The following GPR137C variants were observed in gnomAD, a reference collection of about 807,000 sequenced individuals.
GPR137C encodes the protein G protein-coupled receptor 137C, also known as integral membrane protein GPR137C.
Under a neutral mutation model 43.4 loss-of-function variants are expected in GPR137C, and 27 were observed. The ratio of observed to expected loss-of-function variants is 0.62; its 90% CI spans 0.46 to 0.86. The LOEUF (loss-of-function observed/expected upper bound fraction) is 0.86. Among genes scored for constraint, GPR137C ranks in the 40% least tolerant of loss-of-function variants. The probability of loss-of-function intolerance (pLI) is 0.00; values close to 1 mark genes in which losing one functional copy is unlikely to be tolerated. For missense variants in GPR137C, 522 were observed against 534.6 expected, an observed-to-expected ratio of 0.98 and a Z score of 0.23; for synonymous variants, 285 against 226.9, an observed-to-expected ratio of 1.26 and a Z score of -2.30.
chr14:52,553,188 C>G lies in GPR137C; in HGVS notation c.41C>G (p.Pro14Arg). The part of the protein sequence containing the change: ...SVPGPAAAAA[P>R]AAGREPSTPG... ...CCGGGTCCGGCGGCCGCTGCCGCCC[C>G]CGCAGCCGGCCGCGAGCCCTCCACG... The change falls in exon 1 of 7, where the codon CCC becomes CGC. Residue 14 changes from proline (P) to arginine (R), a missense_variant. Pro to Arg is a moderately radical substitution (Grantham distance 103, BLOSUM62 -2). Transcript: ENST00000321662. The G allele has an allele frequency of 8.3e-7, 1 of 1,203,982 alleles. No individual in the cohort carries two copies. Among genetic ancestry groups the G allele is most frequent in the Non-Finnish European group, 1.0e-6 (1 of 971,290 alleles). The allele number at this position is 1,203,982 out of a possible 1,614,324, so 74.6% of individuals were successfully genotyped here.
intron 1 of GPR137C, among the ~76,000 whole-genome samples, chr14:52,577,177 A>C (rs2038567679): frequency 1.8e-5 from 2 of 112,534 alleles, no homozygotes; most frequent in African/African-American, 3.5e-5. Context: ...ACAGAGTAAG[A>C]CTCCTCAAAA....
intron 3 of GPR137C, among the ~76,000 whole-genome samples, chr14:52,619,722 C>T (rs2039138453): frequency 6.6e-6 from 1 of 152,106 alleles, no homozygotes. Context: ...CCAGTAAAAG[C>T]CATCCACTCC....
rs536332256 is a variant in GPR137C, at chr14:52,588,300, A to G, written c.445-9972A>G. On this transcript the variant is annotated intron_variant, in intron 1 of 6. Coordinates refer to ENST00000321662, the MANE Select transcript of GPR137C (RefSeq NM_001099652.2). ...GCTGGGACTACAGGTGCATGCCACCACTCCTGGCTGCTTTTTTTTTATTTA... is the reference window on the plus strand; with the variant it reads ...GCTGGGACTACAGGTGCATGCCACCGCTCCTGGCTGCTTTTTTTTTATTTA... Among the ~76,000 whole-genome samples, 3 of 150,510 alleles carry G rather than the reference A, an allele frequency of 2.0e-5. No homozygotes were observed. The South Asian group carries it at 6.3e-4, about 32-fold the overall frequency.
At chr14:52,571,465 G>C (rs1164041267) in intron 1 of GPR137C, among the ~76,000 whole-genome samples, 1 of 152,096 alleles carries the variant, frequency 6.6e-6, no homozygotes, top group Non-Finnish European at 1.5e-5. Context: ...ATGAAGTCAG[G>C]AGTTTGAGAC....
intron 1 of GPR137C, among the ~76,000 whole-genome samples, chr14:52,561,174 T>C (rs1040697708): frequency 6.6e-6 from 1 of 152,246 alleles, no homozygotes; most frequent in African/African-American, 2.4e-5. Flanking sequence ...AGGACTAAAA[T>C]TTAAAAGACT....
chr14:52,578,803 G>A (rs959689142), intron 1 of GPR137C, among the ~76,000 whole-genome samples: 1 of 152,176 alleles, frequency 6.6e-6, no homozygotes, highest in Non-Finnish European at 1.5e-5. Context: ...AATTAGCCAG[G>A]CGTGGTGGCA....
rs563286580 is a variant in GPR137C, at chr14:52,627,513, T to G, written c.718-4647T>G. The stretch of plus-strand genomic sequence containing the variant: ...TGGTTTAAAAAGAAGACAAGTTGAT[T>G]CCAAAATTTGCACGACAATGCAGAT... On this transcript the variant is annotated intron_variant, in intron 3 of 6. Coordinates refer to ENST00000321662, the MANE Select transcript of GPR137C (RefSeq NM_001099652.2). 3.4e-4 allele frequency among the ~76,000 whole-genome samples: 52 copies of G among 152,214 alleles called. 2 individuals carry two copies. The highest frequency in any genetic ancestry group is 6.8e-3 in the Middle Eastern group (2 of 294).
chr14:52,584,886 C>T (rs753607213), intron 1 of GPR137C, among the ~76,000 whole-genome samples: 2 of 152,152 alleles, frequency 1.3e-5, no homozygotes, highest in Non-Finnish European at 2.9e-5. Context: ...CAGGCATGAG[C>T]CACTGGATCT....
At chr14:52,563,505 A>G (rs1420487631) in intron 1 of GPR137C, among the ~76,000 whole-genome samples, 1 of 152,086 alleles carries the variant, frequency 6.6e-6, no homozygotes, top group African/African-American at 2.4e-5. Context: ...TTCTTGAACC[A>G]GGCACAGTTC....
chr14:52,572,933 A>G (rs985418115), intron 1 of GPR137C, among the ~76,000 whole-genome samples: 2 of 152,228 alleles, frequency 1.3e-5, no homozygotes, highest in Non-Finnish European at 2.9e-5. Flanking sequence ...AAAAATCACA[A>G]GCATTCCTAT....
At position 52,634,980 on chromosome 14, in the gene GPR137C, T is replaced by G; in HGVS notation, c.1155T>G (p.Thr385=). 1 of 1,612,620 alleles carries G rather than the reference T, an allele frequency of 6.2e-7. No individual in the cohort carries two copies. Among genetic ancestry groups the G allele is most frequent in the Non-Finnish European group, 8.5e-7 (1 of 1,179,306 alleles). Residue 385 remains threonine, a synonymous_variant, in exon 7 of 7, where the codon ACT becomes ACG. Coordinates refer to ENST00000321662, the MANE Select transcript of GPR137C (RefSeq NM_001099652.2). ...GTTTGGGCTGGTATGGCACCATGAC[T>G]GGGTGTGGCAGCAGCAGTTACACAG... ...SQSLGWYGTM[T]GCGSSSYTVT... is the part of the protein sequence containing the mutation.
chr14:52,579,358 G>A (rs567205235), intron 1 of GPR137C, among the ~76,000 whole-genome samples: 1 of 152,250 alleles, frequency 6.6e-6, no homozygotes, highest in East Asian at 1.9e-4. Flanking sequence ...ATTTGCCCAG[G>A]GTATGGACTA....
intron 1 of GPR137C, among the ~76,000 whole-genome samples, chr14:52,555,979 G>T (rs1228446268): frequency 6.6e-6 from 1 of 152,154 alleles, no homozygotes; most frequent in Non-Finnish European, 1.5e-5. Flanking sequence ...ATAACTGCAA[G>T]TATACTTCCC....
chr14:52,575,869 T>A (rs553601134), intron 1 of GPR137C, among the ~76,000 whole-genome samples: 1 of 152,328 alleles, frequency 6.6e-6, no homozygotes, highest in Non-Finnish European at 1.5e-5. Flanking sequence ...AAGGTTTCTC[T>A]TAGTCCAGGA....
intron 1 of GPR137C, among the ~76,000 whole-genome samples, chr14:52,561,738 G>C (rs1198726577): frequency 6.6e-6 from 1 of 152,128 alleles, no homozygotes; most frequent in East Asian, 1.9e-4. Flanking sequence ...AGCTCACACT[G>C]TATCATTTCA....
rs148332975 is a variant in GPR137C, at chr14:52,561,334, G to A, written c.444+7743G>A. Among the ~76,000 whole-genome samples, 472 of 152,284 alleles carry A rather than the reference G, an allele frequency of 3.1e-3. 3 individuals are homozygous for A. The highest frequency in any genetic ancestry group is 0.011 in the African/African-American group (448 of 41,546). ...AATCTAGCTGTTACAGAAGCCAGGC[G>A]TGGTGGCACAGGCCTATGGTCCCAG... is the stretch of plus-strand genomic sequence containing the variant. On this transcript the variant is annotated intron_variant, in intron 1 of 6. Coordinates refer to ENST00000321662, the MANE Select transcript of GPR137C (RefSeq NM_001099652.2).
rs767147227 is a variant in GPR137C at position 52,633,914 on chromosome 14, C to A, written c.1080C>A (p.Asp360Glu). 6.2e-7 allele frequency: 1 copy of A among 1,608,720 alleles called. No individual in the cohort carries two copies. The highest frequency in any genetic ancestry group is 8.5e-7 in the Non-Finnish European group (1 of 1,175,434). ...DNPRRYDSDD[D>E]LPRLGSSREG... ...CAAGACGATATGATAGTGATGATGACCTGCCAAGACTGGGAAGTTCAAGAG... is the reference window on the plus strand; with the variant it reads ...CAAGACGATATGATAGTGATGATGAACTGCCAAGACTGGGAAGTTCAAGAG... Residue 360 changes from aspartate to glutamate, a missense_variant, in exon 6 of 7, where the codon GAC (aspartate) becomes GAA (glutamate). Around this residue, in one of 3 missense-constraint regions of GPR137C, gnomAD observed 18 missense variants for 39.9 expected, o/e 0.45. Coordinates refer to ENST00000321662, the MANE Select transcript of GPR137C (RefSeq NM_001099652.2).
At chr14:52,564,424 A>G (rs2038335572) in intron 1 of GPR137C, among the ~76,000 whole-genome samples, 1 of 152,074 alleles carries the variant, frequency 6.6e-6, no homozygotes, top group Non-Finnish European at 1.5e-5. Flanking sequence ...CATTCCAGCC[A>G]CATTAAACAT....
intron 1 of GPR137C, among the ~76,000 whole-genome samples, chr14:52,587,974 G>A (rs552016525): frequency 6.6e-6 from 1 of 152,240 alleles, no homozygotes; most frequent in East Asian, 1.9e-4. Flanking sequence ...ATTCAGGTAA[G>A]AATCATTGGT....
Sources: gnomAD v4.1 joint callset for allele counts (sites outside exome capture counted in the v4.1 genomes callset) on GRCh38, gnomAD v4.1.1 for gene constraint, gnomAD v4.1.1 regional missense constraint, MANE v1.5 for transcripts, NCBI Gene and HGNC (gene_info 2026-07-23, HGNC 2026-07-21) for gene names.